Variants in IPP observed in about 807,000 individuals in gnomAD.
The protein encoded by IPP is intracisternal A particle-promoted polypeptide, also known as actin-binding protein IPP.
IPP carries 41 observed loss-of-function variants against 64.1 expected under a neutral mutation model. That is an observed-to-expected ratio of 0.64 (90% CI 0.50 to 0.83). The LOEUF (loss-of-function observed/expected upper bound fraction) is 0.83. Among genes scored for constraint, IPP ranks in the 40% least tolerant of loss-of-function variants. The pLI is 0.00. For synonymous variants in IPP, 214 were observed against 235.2 expected (o/e 0.91, Z 0.83); for missense variants, 649 against 703.0 (o/e 0.92, Z 0.87).
chr1:45,724,000 G>A (rs552163881), intron 5 of IPP, among the ~76,000 whole-genome samples: 4 of 110,832 alleles, frequency 3.6e-5, no homozygotes, highest in Non-Finnish European at 5.6e-5. Context: ...CTCTCTCCAC[G>A]GTCTCCTTCC....
chr1:45,741,417 A>G, intron 2 of IPP, 85 bp from the exon 3 acceptor site: 1 of 958,728 alleles, frequency 1.0e-6, no homozygotes. Context: ...ACTTGATTTC[A>G]CTGATAGTTT....
chr1:45,721,350 A>G (rs1036283723), intron 5 of IPP, among the ~76,000 whole-genome samples: 3 of 152,186 alleles, frequency 2.0e-5, no homozygotes, highest in African/African-American at 7.2e-5. Context: ...AAGGTCTGGA[A>G]TTTTGGTATG....
At chr1:45,726,552 AAC>A (rs151338650) in intron 5 of IPP, among the ~76,000 whole-genome samples, 1,682 of 152,256 alleles carry the variant, frequency 0.011, 29 homozygotes, top group African/African-American at 0.038. Flanking sequence ...AATTCATAAA[AAC>A]AGTTTTACAA....
intron 3 of IPP, among the ~76,000 whole-genome samples, chr1:45,738,696 C>G (rs1392006670): frequency 6.6e-6 from 1 of 151,450 alleles, no homozygotes; most frequent in African/African-American, 2.4e-5. Context: ...AAAAATTAGC[C>G]GGGCATGGTG....
chr1:45,727,928 C>T (rs1014831169), intron 4 of IPP, 130 bp from the exon 5 acceptor site: 1 of 617,440 alleles, frequency 1.6e-6, no homozygotes, highest in African/African-American at 1.9e-5. Flanking sequence ...ATGTAATATT[C>T]TTAAATTTGC....
At chr1:45,725,327 G>A (rs1251453183) in intron 5 of IPP, among the ~76,000 whole-genome samples, 8 of 141,084 alleles carry the variant, frequency 5.7e-5, no homozygotes, top group East Asian at 2.2e-4. Context: ...CGCCCCGTCC[G>A]GGAGGGAGGT....
chr1:45,739,532 G>A (rs1646032030), intron 3 of IPP, among the ~76,000 whole-genome samples: 1 of 148,820 alleles, frequency 6.7e-6, no homozygotes, highest in Non-Finnish European at 1.5e-5. Flanking sequence ...CAGAATTATA[G>A]GCGTGAACCA....
chr1:45,726,287 T>C (rs1046307297), intron 5 of IPP, among the ~76,000 whole-genome samples: 11 of 151,578 alleles, frequency 7.3e-5, no homozygotes, highest in Non-Finnish European at 4.4e-5. Context: ...GAAGAAACCC[T>C]GTCTCTACTA....
chr1:45,726,061 C>CCCTCTT (rs1195113536), intron 5 of IPP, among the ~76,000 whole-genome samples: 1 of 137,396 alleles, frequency 7.3e-6, no homozygotes, highest in Non-Finnish European at 1.6e-5. Flanking sequence ...TCCCCCTCTG[C>CCCTCTT]GAGAAACACC....
chr1:45,734,448 T>C (rs1645950876), intron 3 of IPP, among the ~76,000 whole-genome samples: 1 of 152,058 alleles, frequency 6.6e-6, no homozygotes. Flanking sequence ...CTTATTTTTT[T>C]TTCTTTGAGA....
rs779758500 is a variant in IPP at position 45,741,096 on chromosome 1, C to G, written c.529G>C (p.Ala177Pro). The change falls in exon 3 of 9, where the codon GCA (alanine) becomes CCA (proline). Residue 177 changes from alanine to proline, a missense_variant. Physicochemically the swap from Ala to Pro is conservative, Grantham distance 27 (BLOSUM62 -1). Coordinates refer to ENST00000396478, the MANE Select transcript of IPP (RefSeq NM_005897.3). Reference protein sequence around the residue: ...LEVHSGEEFLALTKDQLIKIL... With the variant: ...LEVHSGEEFLPLTKDQLIKIL... ...TTGATCAGCTGATCTTTCGTAAGTGCCAGGAACTCTTCTCCACTATGAACC... is the reference window on the plus strand; with the variant it reads ...TTGATCAGCTGATCTTTCGTAAGTGGCAGGAACTCTTCTCCACTATGAACC... The G allele has an allele frequency of 4.3e-6, 7 of 1,613,952 alleles. No homozygotes were observed. In the East Asian group the frequency reaches 1.6e-4, roughly 36 times the overall value.
In IPP at chr1:45,741,144, A is replaced by G; in HGVS notation, c.481T>C (p.Tyr161His). ...CHDLLEFSEN[Y>H]IHVHFLEVHS... ...ACCTCCAAGAAATGGACATGAATGT[A>G]GTTTTCTGAGAATTCCAAGAGATCA... The change falls in exon 3 of 9, where the codon TAC becomes CAC. Residue 161 changes from tyrosine to histidine, a missense_variant. Tyr to His is a moderately conservative substitution (Grantham distance 83, BLOSUM62 2). Transcript: ENST00000396478. 2.5e-6 allele frequency: 4 copies of G among 1,614,194 alleles called. No homozygotes were observed. The highest frequency in any genetic ancestry group is 3.4e-6 in the Non-Finnish European group (4 of 1,180,016).
intron 1 of IPP, among the ~76,000 whole-genome samples, chr1:45,748,100 C>G (rs570125048): frequency 6.6e-6 from 1 of 151,972 alleles, no homozygotes; most frequent in Non-Finnish European, 1.5e-5. Flanking sequence ...TTGAGAGATT[C>G]GAAGGTAGCT....
At chr1:45,735,780 A>ACACCACACCAGGC (rs141535981) in intron 3 of IPP, among the ~76,000 whole-genome samples, 60 of 148,906 alleles carry the variant, frequency 4.0e-4, no homozygotes, top group African/African-American at 9.2e-4. Context: ...CAGATGCGTG[A>ACACCACACCAGGC]CACCACACCA....
rs1449523557 is a variant in IPP at position 45,740,949 on chromosome 1, T to C, written c.676A>G (p.Ile226Val). ...TGAGGAGGTAATAAAGGGAATCGAA[T>C]TGGGTCTAGCACTTCCACCACATGT... ...RKHVVEVLDP[I>V]RFPLLPPQRL... Residue 226 changes from isoleucine to valine, a missense_variant, in exon 3 of 9, where the codon ATT (isoleucine) becomes GTT (valine). Transcript: ENST00000396478. 6 of 1,611,576 alleles carry C rather than the reference T, an allele frequency of 3.7e-6. No individual in the cohort carries two copies. Among genetic ancestry groups the C allele is most frequent in the African/African-American group, 1.3e-5 (1 of 74,742 alleles).
intron 5 of IPP, 143 bp from the exon 6 acceptor site, chr1:45,719,483 G>T: frequency 1.8e-6 from 1 of 549,788 alleles, no homozygotes; most frequent in Non-Finnish European, 3.1e-6. Context: ...ACTTTCATTT[G>T]CCTGTCAAGC....
At chr1:45,738,839 C>CAAAAAAAAAAA (rs752168393) in intron 3 of IPP, among the ~76,000 whole-genome samples, 4 of 7,668 alleles carry the variant, frequency 5.2e-4, no homozygotes, top group South Asian at 4.3e-3. Context: ...GACTCCATCT[C>CAAAAAAAAAAA]AAAAAAAAAA....
At chr1:45,725,457 A>C (rs1176561870) in intron 5 of IPP, among the ~76,000 whole-genome samples, 1 of 132,142 alleles carries the variant, frequency 7.6e-6, no homozygotes, top group Admixed American at 7.3e-5. Flanking sequence ...CCCATCCGGG[A>C]GGGAGGTGGG....
rs539365598 is a variant in IPP, at chr1:45,741,841, G to A, written c.293-509C>T. Among the ~76,000 whole-genome samples the A allele has an allele frequency of 9.6e-4, 78 of 81,262 alleles. 16 individuals carry two copies. Among genetic ancestry groups the A allele is most frequent in the African/African-American group, 3.0e-3 (74 of 24,902 alleles). The allele number at this position is 81,262 out of a possible 152,430, so 53.3% of individuals were successfully genotyped here. A position where few individuals can be genotyped will look rare whatever the true frequency, so the allele number is the denominator to read the frequency against. ...GACGGGGTTTCACCGTGTTAGCCAA[G>A]ATGGTCTCGATCTCCTGACCTTGTG... On this transcript the variant is annotated intron_variant, in intron 2 of 8. Transcript: ENST00000396478.
Sources: gnomAD v4.1 joint callset for allele counts (sites outside exome capture counted in the v4.1 genomes callset) on GRCh38, gnomAD v4.1.1 for gene constraint, MANE v1.5 for transcripts, NCBI Gene and HGNC (gene_info 2026-07-23, HGNC 2026-07-21) for gene names.